Variants in NTNG1 observed in about 807,000 individuals in gnomAD.
The protein encoded by NTNG1 is netrin-G1.
A neutral mutation model predicts 54.0 loss-of-function variants in NTNG1; 16 were observed. The observed-to-expected ratio is 0.30, with a 90% CI of 0.20 to 0.45. NTNG1 has a LOEUF of 0.45. Ranked by LOEUF, NTNG1 falls within the 20% of genes least tolerant of loss-of-function variation. The probability of loss-of-function intolerance (pLI) is 1.00; values close to 1 mark genes in which losing one functional copy is unlikely to be tolerated. For synonymous variants in NTNG1, 255 were observed against 263.1 expected (o/e 0.97, Z 0.30); for missense variants, 530 against 678.7 (o/e 0.78, Z 2.43).
intron 2 of NTNG1, among the ~76,000 whole-genome samples, chr1:107,163,183 C>CT (rs1471902488): frequency 6.6e-6 from 1 of 152,060 alleles, no homozygotes; most frequent in Non-Finnish European, 1.5e-5. Flanking sequence ...GGATCAGAAG[C>CT]TTTTTGGGTT....
At chr1:107,304,784 A>C (rs1666568097) in intron 2 of NTNG1, among the ~76,000 whole-genome samples, 1 of 151,504 alleles carries the variant, frequency 6.6e-6, no homozygotes. Flanking sequence ...TGTGCAGAAC[A>C]TGCAGATTTG....
intron 2 of NTNG1, among the ~76,000 whole-genome samples, chr1:107,248,302 C>T (rs930447446): frequency 1.3e-5 from 2 of 152,082 alleles, no homozygotes; most frequent in African/African-American, 2.4e-5. Flanking sequence ...ATGATCACTT[C>T]GATGATGGCA....
At position 107,483,291 on chromosome 1, in the gene NTNG1, A is replaced by G. The variant is rs1329921997; in HGVS notation, c.*2451A>G. The G allele has an allele frequency of 6.6e-6, 1 of 152,246 alleles. No individual in the cohort carries two copies. Among genetic ancestry groups the G allele is most frequent in the East Asian group, 1.9e-4 (1 of 5,194 alleles). 9.4% of individuals were successfully genotyped at this position (152,246 alleles called of 1,614,324 possible). ...AGTTGGGATTCCAAAAGCTAATTCT[A>G]AAATTTAATGAAGGCCTGATTTAAA... On this transcript the variant is annotated 3_prime_UTR_variant, in exon 8 of 8. Coordinates refer to ENST00000370068, the MANE Select transcript of NTNG1 (RefSeq NM_001113226.3).
At position 107,247,346 on chromosome 1, in the gene NTNG1, C is replaced by A. The variant is rs146597498; in HGVS notation, c.247-76936C>A. ...GAGTGATGAAAAGGAGAGAAACAAG[C>A]TAAGAAGATCATGTAATGGCTAGCA... is the stretch of plus-strand genomic sequence containing the variant. On this transcript the variant is annotated intron_variant, in intron 2 of 7. Coordinates refer to ENST00000370068, the MANE Select transcript of NTNG1 (RefSeq NM_001113226.3). Among the ~76,000 whole-genome samples, 772 of 152,286 alleles carry A rather than the reference C, an allele frequency of 5.1e-3. 9 individuals are homozygous for A. The highest frequency in any genetic ancestry group is 0.018 in the African/African-American group (739 of 41,544).
At chr1:107,339,715 G>A (rs1046202608) in intron 3 of NTNG1, among the ~76,000 whole-genome samples, 2 of 152,062 alleles carry the variant, frequency 1.3e-5, no homozygotes, top group East Asian at 1.9e-4. Flanking sequence ...ATCAGATCAC[G>A]TGAATTCTTA....
intron 2 of NTNG1, among the ~76,000 whole-genome samples, chr1:107,186,016 C>T (rs1317128086): frequency 6.6e-6 from 1 of 152,090 alleles, no homozygotes; most frequent in Non-Finnish European, 1.5e-5. Context: ...GCATCCCTCG[C>T]CCTCACGCCC....
chr1:107,171,111 T>C (rs982069235), intron 2 of NTNG1, among the ~76,000 whole-genome samples: 1 of 152,180 alleles, frequency 6.6e-6, no homozygotes, highest in Non-Finnish European at 1.5e-5. Context: ...TTTCTATATT[T>C]CAAATCAATA....
At chr1:107,169,385 C>T (rs1656050648) in intron 2 of NTNG1, among the ~76,000 whole-genome samples, 1 of 152,080 alleles carries the variant, frequency 6.6e-6, no homozygotes, top group African/African-American at 2.4e-5. Context: ...AGATTTTCTG[C>T]ATAGTGGTGA....
chr1:107,205,999 T>C (rs6676286), intron 2 of NTNG1, among the ~76,000 whole-genome samples: 7,411 of 152,282 alleles, frequency 0.049, 583 homozygotes, highest in African/African-American at 0.17. Flanking sequence ...CATTGCTCAC[T>C]GTGACAATTT....
intron 2 of NTNG1, among the ~76,000 whole-genome samples, chr1:107,247,144 C>G (rs1255627247): frequency 6.6e-6 from 1 of 152,190 alleles, no homozygotes; most frequent in Admixed American, 6.5e-5. Context: ...CCTTCTGAGA[C>G]TTTGTGTCTG....
At chr1:107,401,138 TAATGGGA>T (rs1673004379) in intron 4 of NTNG1, among the ~76,000 whole-genome samples, 1 of 152,090 alleles carries the variant, frequency 6.6e-6, no homozygotes, top group African/African-American at 2.4e-5. Context: ...GGAGGAACTT[TAATGGGA>T]AAAAGTCTCA....
intron 3 of NTNG1, among the ~76,000 whole-genome samples, chr1:107,333,785 C>T (rs906501682): frequency 6.7e-6 from 1 of 149,738 alleles, no homozygotes; most frequent in Non-Finnish European, 1.5e-5. Context: ...GTGAGACTGT[C>T]GTAGAGAAAG....
At chr1:107,253,999 G>A (rs1662777268) in intron 2 of NTNG1, among the ~76,000 whole-genome samples, 2 of 152,166 alleles carry the variant, frequency 1.3e-5, no homozygotes, top group South Asian at 4.1e-4. Flanking sequence ...TAGTATGTTC[G>A]TTAAGTGGTT....
Position 107,480,786 on chromosome 1 carries a change from A to G in NTNG1, c.1566A>G (p.Pro522=), listed in dbSNP as rs377465185. The change falls in exon 8 of 8, where the codon CCA becomes CCG. Residue 522 remains proline, a synonymous_variant. Coordinates refer to ENST00000370068, the MANE Select transcript of NTNG1 (RefSeq NM_001113226.3). ...AGGGCGCGCCCCCGCACGGCTCCCC[A>G]GCGCTGCTGCTGCTGACCACGCTGC... ...SGQGAPPHGS[P]ALLLLTTLLG... 54 of 1,597,048 alleles carry G rather than the reference A, an allele frequency of 3.4e-5. No homozygotes were observed. Among genetic ancestry groups the G allele is most frequent in the Middle Eastern group, 1.7e-4 (1 of 5,766 alleles).
At chr1:107,387,506 C>G (rs1672087161) in intron 3 of NTNG1, among the ~76,000 whole-genome samples, 1 of 152,218 alleles carries the variant, frequency 6.6e-6, no homozygotes. Context: ...GGATTTCTAA[C>G]AAGCCCTCTG....
At position 107,268,695 on chromosome 1, in the gene NTNG1, T is replaced by C. The variant is rs546406851; in HGVS notation, c.247-55587T>C. The stretch of plus-strand genomic sequence containing the variant: ...TTACTACCTATTTCACATCACCAAG[T>C]TCCTATTGAGCATTTCATGGTGAAC... On this transcript the variant is annotated intron_variant, in intron 2 of 7. Transcript: ENST00000370068. Among the ~76,000 whole-genome samples the C allele has an allele frequency of 7.2e-5, 11 of 152,250 alleles. 1 individual carries two copies. Among genetic ancestry groups the C allele is most frequent in the South Asian group, 6.2e-4 (3 of 4,814 alleles).
intron 2 of NTNG1, among the ~76,000 whole-genome samples, chr1:107,226,534 T>G (rs1660701253): frequency 6.6e-6 from 1 of 152,124 alleles, no homozygotes; most frequent in South Asian, 2.1e-4. Flanking sequence ...CCAGCAGGCA[T>G]GCATATGGGA....
intron 3 of NTNG1, among the ~76,000 whole-genome samples, chr1:107,371,198 TTG>T (rs1479707825): frequency 1.3e-5 from 2 of 152,090 alleles, no homozygotes; most frequent in African/African-American, 4.8e-5. Flanking sequence ...TAAATGTTTT[TTG>T]TGTGTCTTTT....
At chr1:107,396,112 T>G (rs150919211) in intron 4 of NTNG1, among the ~76,000 whole-genome samples, 3 of 152,228 alleles carry the variant, frequency 2.0e-5, no homozygotes, top group African/African-American at 7.2e-5. Context: ...ATTAACTACC[T>G]GCAACAGCCC....
Sources: allele counts gnomAD v4.1 joint callset (sites outside exome capture counted in the v4.1 genomes callset), GRCh38; gene constraint gnomAD v4.1.1; transcripts MANE v1.5; gene names NCBI Gene and HGNC (gene_info 2026-07-23, HGNC 2026-07-21).